Variants in SCARA5 observed in about 807,000 individuals in gnomAD.
SCARA5 encodes scavenger receptor class A, member 5 (putative).
A neutral mutation model predicts 46.3 loss-of-function variants in SCARA5; 45 were observed. The ratio of observed to expected loss-of-function variants is 0.97; its 90% CI spans 0.76 to 1.24. The LOEUF (loss-of-function observed/expected upper bound fraction) is 1.24, where lower values mean the gene tolerates loss of function less well. Among genes scored for constraint, SCARA5 ranks in the 50% most tolerant of loss-of-function variants. The probability of loss-of-function intolerance (pLI) is 0.00; values close to 1 mark genes in which losing one functional copy is unlikely to be tolerated. For missense variants in SCARA5, 680 were observed against 689.0 expected (o/e 0.99, Z 0.15); for synonymous variants, 333 against 306.5 (o/e 1.09, Z -0.90).
chr8:27,975,928 T>C (rs563571767), intron 2 of SCARA5, among the ~76,000 whole-genome samples: 7 of 152,286 alleles, frequency 4.6e-5, no homozygotes, highest in Middle Eastern at 3.4e-3. Flanking sequence ...GATTTTACGA[T>C]GGTCTGGGAC....
intron 3 of SCARA5, among the ~76,000 whole-genome samples, chr8:27,935,969 G>A (rs929504088): frequency 3.9e-5 from 6 of 152,090 alleles, no homozygotes; most frequent in African/African-American, 1.4e-4. Flanking sequence ...AGAACCACAT[G>A]CCCTGGTTCC....
intron 3 of SCARA5, among the ~76,000 whole-genome samples, chr8:27,954,501 G>A (rs1186642287): frequency 1.3e-5 from 2 of 151,964 alleles, no homozygotes; most frequent in African/African-American, 2.4e-5. Context: ...TTCCCTTAAC[G>A]CAATTTCATA....
chr8:27,976,740 C>T (rs1295524910), intron 2 of SCARA5, among the ~76,000 whole-genome samples: 1 of 152,216 alleles, frequency 6.6e-6, no homozygotes, highest in Non-Finnish European at 1.5e-5. Context: ...CCTGAAGCCT[C>T]CAGCTCTGCT....
At chr8:27,891,695 A>G (rs1806986947) in intron 7 of SCARA5, among the ~76,000 whole-genome samples, 1 of 152,236 alleles carries the variant, frequency 6.6e-6, no homozygotes, top group South Asian at 2.1e-4. Context: ...TATCAAACCC[A>G]GATGGGTTTT....
chr8:27,926,710 T>C (rs1296549675), intron 3 of SCARA5, among the ~76,000 whole-genome samples: 1 of 152,076 alleles, frequency 6.6e-6, no homozygotes. Flanking sequence ...TGATCTCAAG[T>C]GTGAGATGGT....
intron 4 of SCARA5, among the ~76,000 whole-genome samples, chr8:27,916,756 A>G (rs1321932647): frequency 2.6e-5 from 4 of 152,180 alleles, no homozygotes; most frequent in Non-Finnish European, 5.9e-5. Context: ...AAGACCCTAG[A>G]TGCAGTGGTG....
At chr8:27,890,230 T>A (rs1357854070) in intron 7 of SCARA5, among the ~76,000 whole-genome samples, 16 of 152,208 alleles carry the variant, frequency 1.1e-4, no homozygotes, top group Admixed American at 9.8e-4. Context: ...TCACCAGCCA[T>A]TACTGGGATG....
At chr8:27,951,993 C>T (rs1334476500) in intron 3 of SCARA5, among the ~76,000 whole-genome samples, 2 of 152,070 alleles carry the variant, frequency 1.3e-5, no homozygotes, top group African/African-American at 4.8e-5. Context: ...CACCCAGAAC[C>T]TATTTGGAAA....
intron 3 of SCARA5, among the ~76,000 whole-genome samples, chr8:27,925,429 A>G (rs1807664765): frequency 6.6e-6 from 1 of 152,248 alleles, no homozygotes; most frequent in African/African-American, 2.4e-5. Flanking sequence ...AAAACTGGCT[A>G]GCCATATGTA....
intron 3 of SCARA5, among the ~76,000 whole-genome samples, chr8:27,945,504 C>A (rs1356239973): frequency 6.6e-6 from 1 of 152,186 alleles, no homozygotes; most frequent in Non-Finnish European, 1.5e-5. Context: ...GAGTGCTGAT[C>A]TCTGTGAACC....
intron 3 of SCARA5, among the ~76,000 whole-genome samples, chr8:27,937,014 C>G (rs1296775710): frequency 6.6e-6 from 1 of 152,158 alleles, no homozygotes; most frequent in Admixed American, 6.5e-5. Context: ...GCTAGAGTGT[C>G]TGAAATCATT....
chr8:27,887,223 G>C (rs975810112), intron 7 of SCARA5, among the ~76,000 whole-genome samples: 1 of 152,000 alleles, frequency 6.6e-6, no homozygotes, highest in Non-Finnish European at 1.5e-5. Flanking sequence ...ATACCACATT[G>C]AGCCCTGGAA....
At chr8:27,877,548 A>G (rs1806744911) in intron 8 of SCARA5, among the ~76,000 whole-genome samples, 1 of 152,180 alleles carries the variant, frequency 6.6e-6, no homozygotes, top group Admixed American at 6.5e-5. Flanking sequence ...GCTTCTTGAA[A>G]ATAATTTATA....
intron 3 of SCARA5, among the ~76,000 whole-genome samples, chr8:27,931,679 T>C (rs181624319): frequency 2.6e-5 from 4 of 152,292 alleles, no homozygotes; most frequent in Admixed American, 2.0e-4. Context: ...TATTTATTTA[T>C]TTTACACAGA....
At chr8:27,912,786 C>A (rs1807399175) in intron 4 of SCARA5, among the ~76,000 whole-genome samples, 2 of 152,226 alleles carry the variant, frequency 1.3e-5, no homozygotes, top group Non-Finnish European at 2.9e-5. Flanking sequence ...GGGGTCTTCC[C>A]AGGAGTCACT....
chr8:27,911,841 A>T (rs1049206516), intron 4 of SCARA5, among the ~76,000 whole-genome samples: 1 of 152,198 alleles, frequency 6.6e-6, no homozygotes, highest in Non-Finnish European at 1.5e-5. Context: ...ATTAGTTAAG[A>T]TGAGGTTATA....
intron 2 of SCARA5, among the ~76,000 whole-genome samples, chr8:27,981,345 G>A (rs922992462): frequency 6.6e-6 from 1 of 152,204 alleles, no homozygotes; most frequent in African/African-American, 2.4e-5. Context: ...TGGGCCCAAA[G>A]GGTCAGGGAT....
intron 4 of SCARA5, among the ~76,000 whole-genome samples, chr8:27,918,632 GAGGAAGATGAGGAGGAGGAAA>G (rs1807510775): frequency 2.1e-5 from 3 of 145,936 alleles, no homozygotes; most frequent in African/African-American, 7.6e-5. Flanking sequence ...GGAGCAGGAG[GAGGAAGATGAGGAGGAGGAAA>G]AGGAAGATGA....
intron 3 of SCARA5, among the ~76,000 whole-genome samples, chr8:27,927,118 C>T (rs1021351070): frequency 2.0e-5 from 3 of 152,196 alleles, no homozygotes; most frequent in Non-Finnish European, 4.4e-5. Context: ...AATTTTCTTC[C>T]TTACCTCTGT....
Sources: allele counts gnomAD v4.1 joint callset (sites outside exome capture counted in the v4.1 genomes callset), GRCh38; gene constraint gnomAD v4.1.1; transcripts MANE v1.5; gene names NCBI Gene and HGNC (gene_info 2026-07-23, HGNC 2026-07-21).